The following KRAS variants were observed in gnomAD, a reference collection of about 807,000 sequenced individuals.
KRAS encodes GTPase KRas.
In KRAS, 1 loss-of-function variant was observed where a neutral mutation model predicts 21.0. That is an observed-to-expected ratio of 0.05 (90% CI 0.02 to 0.23). KRAS has a LOEUF of 0.23. KRAS is among the 10% of genes least tolerant of loss of function. The pLI is 1.00. For missense variants in KRAS, 107 were observed against 221.8 expected, an observed-to-expected ratio of 0.48 and a Z score of 3.29; for synonymous variants, 67 against 72.5, an observed-to-expected ratio of 0.92 and a Z score of 0.39.
At chr12:25,211,727 G>A (rs980213715) in intron 4 of KRAS, among the ~76,000 whole-genome samples, 1 of 152,144 alleles carries the variant, frequency 6.6e-6, no homozygotes, top group Non-Finnish European at 1.5e-5. Context: ...TCAAGAAAGC[G>A]TGACCAATAT....
intron 4 of KRAS, among the ~76,000 whole-genome samples, chr12:25,210,409 A>T (rs1438400359): frequency 9.2e-5 from 14 of 152,190 alleles, no homozygotes; most frequent in Admixed American, 7.9e-4. Flanking sequence ...ATTTACCAAG[A>T]AGTAAACAGT....
At chr12:25,217,680 T>A (rs1398154552) in intron 4 of KRAS, among the ~76,000 whole-genome samples, 1 of 152,144 alleles carries the variant, frequency 6.6e-6, no homozygotes, top group African/African-American at 2.4e-5. Flanking sequence ...ATGCCTGTAG[T>A]ACCAGCACTT....
Position 25,207,147 on chromosome 12 carries a change from C to T in KRAS, c.*2648G>A. The T allele has an allele frequency of 4.7e-6, 1 of 211,660 alleles. No individual in the cohort carries two copies. The highest frequency in any genetic ancestry group is 9.6e-6 in the Non-Finnish European group (1 of 104,386). 13.1% of individuals were successfully genotyped at this position (211,660 alleles called of 1,614,324 possible). On this transcript the variant is annotated 3_prime_UTR_variant, in exon 5 of 5. Coordinates refer to ENST00000311936, the MANE Select transcript of KRAS (RefSeq NM_004985.5). ...GATATTACAGACCACACTAGCACTA[C>T]CTAAGGACCGGGATTATGTCTCTTG... is the stretch of plus-strand genomic sequence containing the variant.
chr12:25,230,256 TCTAC>T (rs776006289), intron 2 of KRAS, among the ~76,000 whole-genome samples: 1 of 152,236 alleles, frequency 6.6e-6, no homozygotes, highest in Non-Finnish European at 1.5e-5. Context: ...TTTATACAAA[TCTAC>T]TATGTGTTTA....
chr12:25,244,073 T>C (rs993726439), intron 2 of KRAS, among the ~76,000 whole-genome samples: 8 of 152,214 alleles, frequency 5.3e-5, no homozygotes, highest in African/African-American at 9.6e-5. Flanking sequence ...CTCCAGGTTC[T>C]AAACTGCATA....
chr12:25,229,578 T>C (rs1258310734), intron 2 of KRAS, among the ~76,000 whole-genome samples: 3 of 152,044 alleles, frequency 2.0e-5, no homozygotes, highest in Non-Finnish European at 4.4e-5. Context: ...CTTCTGACTT[T>C]TGGGTAATAC....
chr12:25,215,611 A>C (rs1386607215), intron 4 of KRAS: 1 of 1,468,436 alleles, frequency 6.8e-7, no homozygotes, highest in African/African-American at 1.4e-5. Context: ...GGTAAGAGTA[A>C]TTTACTGGGA....
chr12:25,208,667 G>A lies in KRAS; in HGVS notation c.*1128C>T, dbSNP rs1214516476. On this transcript the variant is annotated 3_prime_UTR_variant, in exon 5 of 5. Transcript: ENST00000311936. The stretch of plus-strand genomic sequence containing the variant: ...CCACAGAGTGAGATTGTATCTTGTT[G>A]AGCTATCCAAACTGCCCTAGTCCCT... 4 of 232,808 alleles carry A rather than the reference G, an allele frequency of 1.7e-5. No individual in the cohort carries two copies. The highest frequency in any genetic ancestry group is 3.6e-4 in the South Asian group (2 of 5,526). 14.4% of individuals were successfully genotyped at this position (232,808 alleles called of 1,614,324 possible). A position where few individuals can be genotyped will look rare whatever the true frequency, so the allele number is the denominator to read the frequency against.
chr12:25,250,904 C>A lies in KRAS; in HGVS notation c.-165G>T. 1 of 250,660 alleles carries A rather than the reference C, an allele frequency of 4.0e-6. No homozygotes were observed. Among genetic ancestry groups the A allele is most frequent in the Non-Finnish European group, 7.5e-6 (1 of 133,076 alleles). The allele number at this position is 250,660 out of a possible 1,614,324, so 15.5% of individuals were successfully genotyped here. On this transcript the variant is annotated 5_prime_UTR_variant, in exon 1 of 5. Transcript: ENST00000311936. ...GCCGCCACTGCCGCCGCCGCTGCTG[C>A]CTCCGCCGCCGCGGCCGCCGCCTAG...
chr12:25,236,415 C>A (rs561205023), intron 2 of KRAS, among the ~76,000 whole-genome samples: 3 of 152,250 alleles, frequency 2.0e-5, no homozygotes, highest in African/African-American at 7.2e-5. Flanking sequence ...CAAGGGGCCC[C>A]TCCTCTGAGC....
chr12:25,213,189 G>A (rs553842894), intron 4 of KRAS, among the ~76,000 whole-genome samples: 145 of 152,208 alleles, frequency 9.5e-4, no homozygotes, highest in Admixed American at 3.9e-3. Context: ...AAACAATTGT[G>A]ACATTCACCT....
chr12:25,233,508 T>A (rs61761153), intron 2 of KRAS, among the ~76,000 whole-genome samples: 1 of 150,680 alleles, frequency 6.6e-6, no homozygotes, highest in East Asian at 1.9e-4. Flanking sequence ...AATGAATGAA[T>A]GAACGAAGGT....
At chr12:25,218,722 T>C (rs1951282924) in intron 4 of KRAS, among the ~76,000 whole-genome samples, 1 of 152,194 alleles carries the variant, frequency 6.6e-6, no homozygotes, top group African/African-American at 2.4e-5. Context: ...ATTTTTAAAA[T>C]GCCTACAGTA....
chr12:25,236,634 A>G (rs1320987797), intron 2 of KRAS, among the ~76,000 whole-genome samples: 2 of 151,884 alleles, frequency 1.3e-5, no homozygotes, highest in Admixed American at 1.3e-4. Context: ...GGGTGGAAAT[A>G]AGAGAGAGAA....
Position 25,208,640 on chromosome 12 carries a change from C to CA in KRAS, c.*1154dup, listed in dbSNP as rs1951169531. On this transcript the variant is annotated 3_prime_UTR_variant, in exon 5 of 5. Coordinates refer to ENST00000311936, the MANE Select transcript of KRAS (RefSeq NM_004985.5). Reference sequence around the variant, plus strand: ...AATGCTCTTGATTTGTCAGCAGGACCACCACAGAGTGAGATTGTATCTTGT... The same window carrying CA: ...AATGCTCTTGATTTGTCAGCAGGACCAACCACAGAGTGAGATTGTATCTTGT... 1 of 232,856 alleles carries CA rather than the reference C, an allele frequency of 4.3e-6. No homozygotes were observed. The highest frequency in any genetic ancestry group is 8.5e-6 in the Non-Finnish European group (1 of 117,738). 14.4% of individuals were successfully genotyped at this position (232,856 alleles called of 1,614,324 possible). A position where few individuals can be genotyped will look rare whatever the true frequency, so the allele number is the denominator to read the frequency against.
At chr12:25,229,484 A>T (rs1248789725) in intron 2 of KRAS, among the ~76,000 whole-genome samples, 1 of 152,196 alleles carries the variant, frequency 6.6e-6, no homozygotes. Flanking sequence ...CTTTTCTAAA[A>T]AGAGAGAGAA....
Position 25,250,860 on chromosome 12 carries a change from AGCCGCCGCCACCTTC to A in KRAS, c.-136_-122del, listed in dbSNP as rs895194880. 24 of 244,368 alleles carry A rather than the reference AGCCGCCGCCACCTTC, an allele frequency of 9.8e-5. 1 individual carries two copies. Among genetic ancestry groups the A allele is most frequent in the South Asian group, 3.2e-4 (3 of 9,410 alleles). The allele number at this position is 244,368 out of a possible 1,614,324, so 15.1% of individuals were successfully genotyped here. On this transcript the variant is annotated 5_prime_UTR_variant, in exon 1 of 5. Transcript: ENST00000311936. The stretch of plus-strand genomic sequence containing the variant: ...TGGCGGGGGCCGGGAGTACTGGCCG[AGCCGCCGCCACCTTC>A]GCCGCCGCCACTGCCGCCGCCGCTG...
intron 1 of KRAS, among the ~76,000 whole-genome samples, chr12:25,250,260 T>C (rs1951747013): frequency 6.6e-6 from 1 of 152,000 alleles, no homozygotes; most frequent in South Asian, 2.1e-4. Context: ...TATACCTTCG[T>C]CCTAGAGATG....
chr12:25,229,058 A>C (rs1951432201), intron 2 of KRAS, among the ~76,000 whole-genome samples: 1 of 152,162 alleles, frequency 6.6e-6, no homozygotes, highest in Non-Finnish European at 1.5e-5. Context: ...GCTCCGTCTC[A>C]AAAAAACAAA....
Sources: allele counts gnomAD v4.1 joint callset (sites outside exome capture counted in the v4.1 genomes callset), GRCh38; gene constraint gnomAD v4.1.1; transcripts MANE v1.5; gene names NCBI Gene and HGNC (gene_info 2026-07-23, HGNC 2026-07-21).